The following TTI1 variants were observed in gnomAD, a reference collection of about 807,000 sequenced individuals.
The protein encoded by TTI1 is TELO2 interacting protein 1.
A neutral mutation model predicts 85.4 loss-of-function variants in TTI1; 52 were observed. The ratio of observed to expected loss-of-function variants is 0.61; its 90% CI spans 0.49 to 0.77. The LOEUF (loss-of-function observed/expected upper bound fraction) is 0.77. Among genes scored for constraint, TTI1 ranks in the 30% least tolerant of loss-of-function variants. The pLI is 0.00. For synonymous variants in TTI1, 512 were observed against 503.9 expected (o/e 1.02, Z -0.22); for missense variants, 1,173 against 1,296.0 (o/e 0.91, Z 1.46).
intron 7 of TTI1, among the ~76,000 whole-genome samples, chr20:37,994,549 C>A (rs535570624): frequency 8.3e-4 from 122 of 147,608 alleles, no homozygotes; most frequent in Admixed American, 1.7e-3. Flanking sequence ...TCTTCTCCCA[C>A]TTAGAGAGCT....
intron 1 of TTI1, among the ~76,000 whole-genome samples, chr20:38,017,968 C>T (rs73096502): frequency 3.4e-3 from 517 of 152,264 alleles, no homozygotes; most frequent in Middle Eastern, 6.8e-3. Flanking sequence ...CCCTGAAATA[C>T]GTCAGACTAG....
At position 38,011,544 on chromosome 20, in the gene TTI1, C is replaced by T. The variant is rs1397847136; in HGVS notation, c.2273G>A (p.Ser758Asn). The T allele has an allele frequency of 6.2e-7, 1 of 1,614,168 alleles. No homozygotes were observed. Among genetic ancestry groups the T allele is most frequent in the Admixed American group, 1.7e-5 (1 of 60,024 alleles). The part of the protein sequence containing the change: ...FYDKRAASFV[S>N]VLHALMAALA... ...TGCTGCCATCAGAGCATGCAGAACG[C>T]TGACAAAGGAAGCAGCTCTCTTATC... The change falls in exon 2 of 8, where the codon AGC (serine) becomes AAC (asparagine). Residue 758 changes from serine (S) to asparagine (N), a missense_variant. Ser to Asn is a conservative substitution (Grantham distance 46). Transcript: ENST00000373447.
intron 1 of TTI1, among the ~76,000 whole-genome samples, chr20:38,022,012 T>C (rs536622348): frequency 6.6e-6 from 1 of 152,314 alleles, no homozygotes; most frequent in South Asian, 2.1e-4. Flanking sequence ...AGGATCTGTG[T>C]TGAGCTGGGG....
chr20:37,996,696 G>A, intron 6 of TTI1, 53 bp downstream of exon 6: 1 of 1,559,704 alleles, frequency 6.4e-7, no homozygotes. Flanking sequence ...ATGATGGCAG[G>A]GGTGAGACAG....
At chr20:38,002,921 T>C (rs1348195787) in intron 3 of TTI1, 145 bp from the exon 4 acceptor site, 2 of 1,146,610 alleles carry the variant, frequency 1.7e-6, no homozygotes, top group Admixed American at 2.3e-5. Flanking sequence ...CAAGGGGGAA[T>C]AGGTACAGAA....
At chr20:38,006,018 A>G (rs963453490) in intron 3 of TTI1, 179 bp downstream of exon 3, 3 of 747,336 alleles carry the variant, frequency 4.0e-6, no homozygotes, top group Non-Finnish European at 4.2e-6. Context: ...ACGGAAAAAC[A>G]GTTTTGTAAC....
chr20:38,011,794 T>C lies in TTI1; in HGVS notation c.2023A>G (p.Met675Val). Residue 675 changes from methionine to valine, a missense_variant, in exon 2 of 8, where the codon ATG becomes GTG. Physicochemically the swap from Met to Val is conservative, Grantham distance 21. Coordinates refer to ENST00000373447, the MANE Select transcript of TTI1 (RefSeq NM_001303457.2). ...LLISQVATST[M>V]MDVCRACGYD... is the part of the protein sequence containing the mutation. ...CCACAAGCACGGCAAACGTCCATCA[T>C]GGTGCTGGTAGCCACCTGACTAATG... is the stretch of plus-strand genomic sequence containing the variant. 2 of 1,614,246 alleles carry C rather than the reference T, an allele frequency of 1.2e-6. No individual in the cohort carries two copies. The highest frequency in any genetic ancestry group is 1.1e-5 in the South Asian group (1 of 91,090).
In TTI1 at chr20:37,996,391, G is replaced by A; in HGVS notation, c.3070C>T (p.Gln1024Ter). The change falls in exon 7 of 8, where the codon CAA becomes TAA. Residue 1024 changes from glutamine (Q) to a stop codon, truncating the protein, a stop_gained. Coordinates refer to ENST00000373447, the MANE Select transcript of TTI1 (RefSeq NM_001303457.2). LOFTEE classifies it high-confidence loss of function. ...CAGACGTACCTCCTGGCAGCCTCTTGTAATTTCACGGGCTGTTTGACACTG... is the reference window on the plus strand; with the variant it reads ...CAGACGTACCTCCTGGCAGCCTCTTATAATTTCACGGGCTGTTTGACACTG... ...YLSVKQPVKLQEAARSVFLHL... is the reference protein window; with the variant it reads ...YLSVKQPVKL The A allele has an allele frequency of 1.2e-6, 2 of 1,614,114 alleles. No homozygotes were observed. The highest frequency in any genetic ancestry group is 2.2e-5 in the South Asian group (2 of 91,082).
rs1442244046 is a variant in TTI1 at position 38,011,863 on chromosome 20, C to G, written c.1954G>C (p.Ala652Pro). ...GCCTTCTCCAGTACTGGATAAAGGG[C>G]TGACATCAAGAGCAAACAGAAGTCT... ...GKDFCLLLMS[A>P]LYPVLEKAGD... Residue 652 changes from alanine (A) to proline (P), a missense_variant, in exon 2 of 8, where the codon GCC becomes CCC. Physicochemically the swap from Ala to Pro is conservative, Grantham distance 27 (BLOSUM62 -1). Coordinates refer to ENST00000373447, the MANE Select transcript of TTI1 (RefSeq NM_001303457.2). The G allele has an allele frequency of 6.2e-7, 1 of 1,614,236 alleles. No homozygotes were observed. Among genetic ancestry groups the G allele is most frequent in the African/African-American group, 1.3e-5 (1 of 75,058 alleles).
At chr20:37,999,432 T>A in intron 4 of TTI1, 104 bp from the exon 5 acceptor site, 1 of 1,238,304 alleles carries the variant, frequency 8.1e-7, no homozygotes. Context: ...ATTAATTGGA[T>A]AATTGTTTTC....
At chr20:38,006,816 G>GT (rs1316301550) in intron 2 of TTI1, among the ~76,000 whole-genome samples, 1 of 152,024 alleles carries the variant, frequency 6.6e-6, no homozygotes, top group Non-Finnish European at 1.5e-5. Flanking sequence ...ATATATTTGC[G>GT]TATCTATTTA....
chr20:38,021,871 G>A (rs373631279), intron 1 of TTI1, among the ~76,000 whole-genome samples: 32 of 152,246 alleles, frequency 2.1e-4, no homozygotes, highest in Admixed American at 4.6e-4. Context: ...TACAGGAGAC[G>A]GTGTTATACT....
intron 1 of TTI1, among the ~76,000 whole-genome samples, chr20:38,029,309 C>G (rs1036185708): frequency 5.3e-5 from 8 of 151,746 alleles, no homozygotes; most frequent in African/African-American, 1.9e-4. Context: ...CAGCTATAGC[C>G]ATGCTGAGAT....
At chr20:38,015,553 A>G (rs969136226) in intron 1 of TTI1, among the ~76,000 whole-genome samples, 5 of 152,192 alleles carry the variant, frequency 3.3e-5, no homozygotes, top group African/African-American at 1.2e-4. Flanking sequence ...GGGATCCAGC[A>G]GTCATGGGTA....
At chr20:38,006,720 C>A (rs2073506025) in intron 2 of TTI1, among the ~76,000 whole-genome samples, 1 of 152,226 alleles carries the variant, frequency 6.6e-6, no homozygotes. Context: ...TCCCTTGACT[C>A]CCCTGTTTAA....
rs568983277 is a variant in TTI1, at chr20:37,996,817, G to A, written c.2930C>T (p.Thr977Met). Residue 977 changes from threonine (T) to methionine (M), a missense_variant, in exon 6 of 8, where the codon ACG becomes ATG. Coordinates refer to ENST00000373447, the MANE Select transcript of TTI1 (RefSeq NM_001303457.2). ...AGCCAGCTGCAACTTGAAGGCCAGCGTGTGCGAGTAAACTGGTCCAGCCCT... is the reference window on the plus strand; with the variant it reads ...AGCCAGCTGCAACTTGAAGGCCAGCATGTGCGAGTAAACTGGTCCAGCCCT... ...SARAGPVYSH[T>M]LAFKLQLAVL... 8.1e-6 allele frequency: 13 copies of A among 1,614,076 alleles called. No individual in the cohort carries two copies. Among genetic ancestry groups the A allele is most frequent in the East Asian group, 2.2e-5 (1 of 44,878 alleles).
At position 38,013,065 on chromosome 20, in the gene TTI1, T is replaced by C. The variant is rs1200474023; in HGVS notation, c.752A>G (p.Gln251Arg). ...KTVSFIMADE[Q>R]LKRISKVQAK... is the part of the protein sequence containing the mutation. ...TTGGACCTTTGAGATTCTTTTGAGCTGTTCATCAGCCATAATGAAGCTCAC... is the reference window on the plus strand; with the variant it reads ...TTGGACCTTTGAGATTCTTTTGAGCCGTTCATCAGCCATAATGAAGCTCAC... Residue 251 changes from glutamine to arginine, a missense_variant, in exon 2 of 8, where the codon CAG (glutamine) becomes CGG (arginine). By Grantham distance (43) the Gln-to-Arg change is conservative (BLOSUM62 1). Transcript: ENST00000373447. 1 of 1,614,114 alleles carries C rather than the reference T, an allele frequency of 6.2e-7. No individual in the cohort carries two copies. The highest frequency in any genetic ancestry group is 2.2e-5 in the East Asian group (1 of 44,904).
intron 7 of TTI1, 86 bp from the exon 8 acceptor site, chr20:37,983,725 A>T: frequency 8.2e-7 from 1 of 1,223,980 alleles, no homozygotes; most frequent in Non-Finnish European, 1.1e-6. Flanking sequence ...GCTGTTTACC[A>T]GGCTATTTGA....
In TTI1 at chr20:38,011,868, A is replaced by C; in HGVS notation, c.1949T>G (p.Met650Arg). ...CTCCAGTACTGGATAAAGGGCTGAC[A>C]TCAAGAGCAAACAGAAGTCTTTTCC... ...ALGKDFCLLLMSALYPVLEKA... is the reference protein window; with the variant it reads ...ALGKDFCLLLRSALYPVLEKA... The change falls in exon 2 of 8, where the codon ATG (methionine) becomes AGG (arginine). Residue 650 changes from methionine to arginine, a missense_variant. By Grantham distance (91) the Met-to-Arg change is moderately conservative. Coordinates refer to ENST00000373447, the MANE Select transcript of TTI1 (RefSeq NM_001303457.2). 1 of 1,614,252 alleles carries C rather than the reference A, an allele frequency of 6.2e-7. No individual in the cohort carries two copies.
Sources: allele counts gnomAD v4.1 joint callset (sites outside exome capture counted in the v4.1 genomes callset), GRCh38; gene constraint gnomAD v4.1.1; transcripts MANE v1.5; gene names NCBI Gene and HGNC (gene_info 2026-07-23, HGNC 2026-07-21).